Variants in ZFP1 observed in about 807,000 individuals in gnomAD.
ZFP1 encodes ZFP1 zinc finger protein.
A neutral mutation model predicts 38.5 loss-of-function variants in ZFP1; 32 were observed. The ratio of observed to expected loss-of-function variants is 0.83; its 90% CI spans 0.63 to 1.12. The LOEUF (loss-of-function observed/expected upper bound fraction) is 1.12. Ranked by LOEUF, ZFP1 falls within the 50% of genes most tolerant of loss-of-function variation. ZFP1 has a pLI of 0.00. For synonymous variants in ZFP1, 245 were observed against 168.8 expected (o/e 1.45, Z -3.50); for missense variants, 616 against 480.8 (o/e 1.28, Z -2.63).
the ZFP1 span, among the ~76,000 whole-genome samples, chr16:75,143,044 T>G: frequency 6.6e-6 from 1 of 152,294 alleles, no homozygotes; most frequent in Admixed American, 6.5e-5. Flanking sequence ...TTTCTATATT[T>G]TATTTGACTT....
the ZFP1 span, among the ~76,000 whole-genome samples, chr16:75,136,107 C>A: frequency 5.3e-5 from 8 of 152,208 alleles, no homozygotes; most frequent in African/African-American, 1.9e-4. Flanking sequence ...TGAGCCACCA[C>A]GCCCAGCTAA....
the ZFP1 span, among the ~76,000 whole-genome samples, chr16:75,131,900 G>C: frequency 6.6e-6 from 1 of 152,040 alleles, no homozygotes; most frequent in East Asian, 1.9e-4. Context: ...AGGAGGTGGA[G>C]GTTACAGTGA....
intron 2 of ZFP1, among the ~76,000 whole-genome samples, chr16:75,163,531 C>CA (rs2037897538): frequency 1.3e-5 from 2 of 151,698 alleles, no homozygotes; most frequent in African/African-American, 4.8e-5. Flanking sequence ...AGGCTGGTAT[C>CA]AAACTCCTGA....
chr16:75,161,776 T>TATA lies in ZFP1; in HGVS notation c.16-4994_16-4993insATA, dbSNP rs1225483116. ...TTATGAAATATATATATATATATAT[T>TATA]TTTTTTTTTTTTTTTTTTTTTTTTC... On this transcript the variant is annotated intron_variant, in intron 2 of 3. Coordinates refer to ENST00000570010, the MANE Select transcript of ZFP1 (RefSeq NM_153688.4). 9.4e-3 allele frequency among the ~76,000 whole-genome samples: 42 copies of TATA among 4,454 alleles called. 4 individuals carry two copies. The South Asian group carries it at 0.11, about 12-fold the overall frequency. The allele number at this position is 4,454 out of a possible 152,430, so 2.9% of individuals were successfully genotyped here.
upstream of ZFP1, among the ~76,000 whole-genome samples, chr16:75,144,423 A>G (rs1309683926): frequency 2.0e-5 from 3 of 152,182 alleles, no homozygotes; most frequent in Non-Finnish European, 4.4e-5. Flanking sequence ...TATCACCACA[A>G]TTTATTTTAC....
At chr16:75,150,063 G>T (rs2037111361) in intron 1 of ZFP1, among the ~76,000 whole-genome samples, 1 of 152,150 alleles carries the variant, frequency 6.6e-6, no homozygotes, top group South Asian at 2.1e-4. Context: ...GGGATTACAG[G>T]CATGAACCAC....
At chr16:75,164,813 T>A (rs11860229) in intron 2 of ZFP1, among the ~76,000 whole-genome samples, 855 of 6,204 alleles carry the variant, frequency 0.14, 7 homozygotes, top group African/African-American at 0.34. Context: ...CCATAAGTTT[T>A]TTTTTTTTTT....
At chr16:75,159,381 CTTCCT>C (rs146582108) in intron 2 of ZFP1, among the ~76,000 whole-genome samples, 85,568 of 107,694 alleles carry the variant, frequency 0.79, 35,539 homozygotes, top group Middle Eastern at 0.89. Flanking sequence ...CCCTCCCTTC[CTTCCT>C]TTCTCTCTCT....
chr16:75,149,196 A>G (rs965697332), intron 1 of ZFP1: 1 of 152,206 alleles, frequency 6.6e-6, no homozygotes, highest in Non-Finnish European at 1.5e-5. Flanking sequence ...CTCCGTCGCT[A>G]TCCCAGGAAC....
rs761192736 is a variant in ZFP1 at position 75,170,377 on chromosome 16, C to T, written c.*43C>T. 1 of 1,512,032 alleles carries T rather than the reference C, an allele frequency of 6.6e-7. No individual in the cohort carries two copies. Among genetic ancestry groups the T allele is most frequent in the Non-Finnish European group, 8.8e-7 (1 of 1,130,938 alleles). The allele number at this position is 1,512,032 out of a possible 1,614,324, so 93.7% of individuals were successfully genotyped here. ...ACTGTGGAAAACTCCTGCCAGAACT[C>T]TTCAAGCGGGTGAAAAACCTCATGA... On this transcript the variant is annotated 3_prime_UTR_variant, in exon 4 of 4. Transcript: ENST00000570010.
At chr16:75,140,735 G>A in the ZFP1 span, among the ~76,000 whole-genome samples, 7 of 152,312 alleles carry the variant, frequency 4.6e-5, no homozygotes, top group East Asian at 3.9e-4. Context: ...CAAGGCGGGC[G>A]GATCACGAGG....
rs140128238 is a variant in ZFP1, at chr16:75,159,153, G to A, written c.15+6187G>A. On this transcript the variant is annotated intron_variant, in intron 2 of 3. Transcript: ENST00000570010. ...CTCAAGCAATCCACCCACCTTAGCC[G>A]CCCAATGTGCTGGGATTTCAGGTAT... Among the ~76,000 whole-genome samples the A allele has an allele frequency of 2.3e-3, 337 of 148,668 alleles. 1 individual carries two copies. The highest frequency in any genetic ancestry group is 7.9e-3 in the African/African-American group (319 of 40,454).
At chr16:75,141,491 C>T in the ZFP1 span, among the ~76,000 whole-genome samples, 29 of 151,894 alleles carry the variant, frequency 1.9e-4, no homozygotes, top group South Asian at 5.8e-3. Flanking sequence ...AGGCGTGAGC[C>T]ACCGCGCCCA....
the ZFP1 span, among the ~76,000 whole-genome samples, chr16:75,139,386 A>C: frequency 4.2e-4 from 62 of 147,698 alleles, no homozygotes; most frequent in Admixed American, 1.2e-3. Flanking sequence ...AAAAAAAAAA[A>C]AAAAAAAAAA....
chr16:75,125,259 GA>G, the ZFP1 span, among the ~76,000 whole-genome samples: 2 of 151,918 alleles, frequency 1.3e-5, no homozygotes, highest in Non-Finnish European at 2.9e-5. Context: ...ACTCTATCTC[GA>G]AAAAAATTTT....
chr16:75,129,153 T>A, the ZFP1 span, among the ~76,000 whole-genome samples: 13 of 152,184 alleles, frequency 8.5e-5, no homozygotes, highest in Non-Finnish European at 1.8e-4. Context: ...TATCAATTTT[T>A]CAGGATTGTT....
At chr16:75,157,868 TCA>T (rs35270763) in intron 2 of ZFP1, among the ~76,000 whole-genome samples, 1,638 of 152,188 alleles carry the variant, frequency 0.011, 21 homozygotes, top group Non-Finnish European at 0.014. Context: ...TGATCTTCAC[TCA>T]CTGCAGTCTT....
At chr16:75,149,087 G>A (rs1377628711) in intron 1 of ZFP1, 1 of 152,086 alleles carries the variant, frequency 6.6e-6, no homozygotes, top group African/African-American at 2.4e-5. Flanking sequence ...CTGGTCAGTT[G>A]CCGGTGGTGA....
At chr16:75,164,247 TTTTAACAGACA>T (rs1190061649) in intron 2 of ZFP1, among the ~76,000 whole-genome samples, 1 of 151,596 alleles carries the variant, frequency 6.6e-6, no homozygotes, top group Admixed American at 6.5e-5. Context: ...GGTCTTAGTC[TTTTAACAGACA>T]TTTATCCCAT....
Sources: gnomAD v4.1 joint callset for allele counts (sites outside exome capture counted in the v4.1 genomes callset) on GRCh38, gnomAD v4.1.1 for gene constraint, MANE v1.5 for transcripts, NCBI Gene and HGNC (gene_info 2026-07-23, HGNC 2026-07-21) for gene names.